The following PRKCH variants were observed in gnomAD, a reference collection of about 807,000 sequenced individuals.
PRKCH encodes the protein protein kinase C eta.
A neutral mutation model predicts 82.5 loss-of-function variants in PRKCH; 28 were observed. The observed-to-expected ratio is 0.34, with a 90% confidence interval of 0.25 to 0.47. The LOEUF is 0.47. Ranked by LOEUF, PRKCH falls within the 20% of genes least tolerant of loss-of-function variation. The pLI is 1.00. For synonymous variants in PRKCH, 322 were observed against 327.4 expected (o/e 0.98, Z 0.18); for missense variants, 705 against 881.8 (o/e 0.80, Z 2.54).
intron 1 of PRKCH, among the ~76,000 whole-genome samples, chr14:61,205,018 T>G (rs1487093199): frequency 6.6e-6 from 1 of 152,202 alleles, no homozygotes; most frequent in Non-Finnish European, 1.5e-5. Flanking sequence ...GATGACATTT[T>G]AATTCTAATT....
intron 1 of PRKCH, among the ~76,000 whole-genome samples, chr14:61,324,213 T>G (rs1162092165): frequency 6.6e-6 from 1 of 152,234 alleles, no homozygotes; most frequent in East Asian, 1.9e-4. Flanking sequence ...TGTAGGAAGA[T>G]CCACGTTATC....
At chr14:61,375,002 C>T (rs950708522) in intron 1 of PRKCH, among the ~76,000 whole-genome samples, 1 of 152,092 alleles carries the variant, frequency 6.6e-6, no homozygotes. Context: ...GTTCCAATTT[C>T]ACACCATCCC....
chr14:61,273,613 C>T (rs2045177343), intron 1 of PRKCH, among the ~76,000 whole-genome samples: 1 of 152,166 alleles, frequency 6.6e-6, no homozygotes, highest in Admixed American at 6.5e-5. Flanking sequence ...AACCCATCTG[C>T]TATTCATTTT....
intron 2 of PRKCH, among the ~76,000 whole-genome samples, chr14:61,406,455 C>T (rs2140225823): frequency 6.6e-6 from 1 of 152,284 alleles, no homozygotes; most frequent in East Asian, 1.9e-4. Context: ...CTTTGCTGCC[C>T]ATCAACTGTT....
chr14:61,532,382 A>G (rs1399367367), intron 12 of PRKCH, among the ~76,000 whole-genome samples: 1 of 152,236 alleles, frequency 6.6e-6, no homozygotes, highest in Non-Finnish European at 1.5e-5. Context: ...TGGATTAGCA[A>G]TCCAGATCAG....
At chr14:61,433,811 ATTAAT>A (rs1213982666) in intron 2 of PRKCH, among the ~76,000 whole-genome samples, 4 of 152,386 alleles carry the variant, frequency 2.6e-5, no homozygotes, top group East Asian at 1.9e-4. Flanking sequence ...AACATACATC[ATTAAT>A]TTAAGACTGT....
At chr14:61,397,290 A>G (rs2046800215) in intron 2 of PRKCH, among the ~76,000 whole-genome samples, 1 of 152,220 alleles carries the variant, frequency 6.6e-6, no homozygotes, top group Non-Finnish European at 1.5e-5. Context: ...TTACCAGGGT[A>G]GAAACTGGGA....
At chr14:61,404,660 A>G (rs986192000) in intron 2 of PRKCH, among the ~76,000 whole-genome samples, 3 of 152,208 alleles carry the variant, frequency 2.0e-5, no homozygotes, top group African/African-American at 4.8e-5. Flanking sequence ...GGTACATGCT[A>G]TGGAGAAAAT....
At chr14:61,520,498 T>C (rs2042891652) in intron 10 of PRKCH, among the ~76,000 whole-genome samples, 1 of 152,078 alleles carries the variant, frequency 6.6e-6, no homozygotes, top group Admixed American at 6.6e-5. Context: ...TTACAACCCA[T>C]AGAACCAATA....
At chr14:61,375,575 G>A (rs1010854278) in intron 1 of PRKCH, among the ~76,000 whole-genome samples, 1 of 151,970 alleles carries the variant, frequency 6.6e-6, no homozygotes, top group Non-Finnish European at 1.5e-5. Flanking sequence ...TGAGGGGGAA[G>A]CAAGCACGTC....
At chr14:61,225,045 A>T (rs1398200529) in intron 1 of PRKCH, among the ~76,000 whole-genome samples, 1 of 152,144 alleles carries the variant, frequency 6.6e-6, no homozygotes, top group Non-Finnish European at 1.5e-5. Context: ...TCTCCTACCT[A>T]AGCCCTCTGT....
intron 1 of PRKCH, among the ~76,000 whole-genome samples, chr14:61,351,896 C>T (rs958586758): frequency 6.6e-6 from 1 of 152,098 alleles, no homozygotes; most frequent in Non-Finnish European, 1.5e-5. Flanking sequence ...TTGAAGGCTG[C>T]CACTTACAAG....
At chr14:61,188,404 G>A (rs2044379820) in intron 1 of PRKCH, among the ~76,000 whole-genome samples, 1 of 152,144 alleles carries the variant, frequency 6.6e-6, no homozygotes, top group African/African-American at 2.4e-5. Flanking sequence ...CGGCTCTCAG[G>A]CAGTTCTGGC....
chr14:61,452,478 A>T (rs746412554), intron 6 of PRKCH, among the ~76,000 whole-genome samples: 46 of 152,164 alleles, frequency 3.0e-4, no homozygotes, highest in Non-Finnish European at 5.4e-4. Flanking sequence ...CTGTCTCAGA[A>T]TTTATTCCAG....
chr14:61,449,856 GTCTCTCTCTCTCTCTCTCTC>G (rs149977373), intron 5 of PRKCH, among the ~76,000 whole-genome samples: 2 of 142,410 alleles, frequency 1.4e-5, no homozygotes, highest in East Asian at 2.1e-4. Context: ...CAGGGAAGAT[GTCTCTCTCTCTCTCTCTCTC>G]TCTCTCTCTC....
chr14:61,499,404 A>G (rs1886801152), intron 10 of PRKCH, among the ~76,000 whole-genome samples: 1 of 152,090 alleles, frequency 6.6e-6, no homozygotes, highest in Admixed American at 6.5e-5. Context: ...CAGGCAAACT[A>G]CCCCACACCC....
intron 1 of PRKCH, among the ~76,000 whole-genome samples, chr14:61,389,179 C>T (rs1199596757): frequency 1.3e-5 from 2 of 152,132 alleles, no homozygotes; most frequent in Non-Finnish European, 2.9e-5. Flanking sequence ...AGTTCAAGAC[C>T]AGTCTGGGCA....
At position 61,484,234 on chromosome 14, in the gene PRKCH, G is replaced by A. The variant is rs144790364; in HGVS notation, c.1279-1268G>A. 3.2e-3 allele frequency among the ~76,000 whole-genome samples: 470 copies of A among 148,840 alleles called. 3 individuals carry two copies. The highest frequency in any genetic ancestry group is 3.9e-3 in the Non-Finnish European group (266 of 67,598). On this transcript the variant is annotated intron_variant, in intron 9 of 13. Transcript: ENST00000332981. The stretch of plus-strand genomic sequence containing the variant: ...CCCCAGGCAGGTGACCAGATATCAC[G>A]CTTCCTCTGCTTTTCCTTCACAGGA...
At chr14:61,488,782 T>C (rs1886334455) in intron 10 of PRKCH, among the ~76,000 whole-genome samples, 1 of 152,156 alleles carries the variant, frequency 6.6e-6, no homozygotes, top group Non-Finnish European at 1.5e-5. Flanking sequence ...CAAAATATGG[T>C]GGGTAGACAC....
Sources: gnomAD v4.1 joint callset for allele counts (sites outside exome capture counted in the v4.1 genomes callset) on GRCh38, gnomAD v4.1.1 for gene constraint, MANE v1.5 for transcripts, NCBI Gene and HGNC (gene_info 2026-07-23, HGNC 2026-07-21) for gene names.